The following NPAS3 variants were observed in gnomAD, a reference collection of about 807,000 sequenced individuals.
NPAS3 encodes neuronal PAS domain protein 3.
In NPAS3, 14 loss-of-function variants were observed where a neutral mutation model predicts 73.1. That is an observed-to-expected ratio of 0.19 (90% CI 0.13 to 0.30). NPAS3 has a LOEUF of 0.30. Ranked by LOEUF, NPAS3 falls within the 10% of genes least tolerant of loss-of-function variation. The pLI is 1.00. For missense variants in NPAS3, 1,096 were observed against 1,250.0 expected (o/e 0.88, Z 1.86); for synonymous variants, 620 against 541.5 (o/e 1.14, Z -2.01).
In NPAS3 at chr14:33,323,204, C is replaced by T. The variant is rs531271975; in HGVS notation, c.386-43982C>T. ...GGCCCCTCTGGGATAGCCTAATAGA[C>T]TATGAGCTGTTGTCTCCTTTGTCTA... On this transcript the variant is annotated intron_variant, in intron 3 of 11. Coordinates refer to ENST00000356141, the Ensembl canonical transcript of NPAS3. Among the ~76,000 whole-genome samples the T allele has an allele frequency of 1.4e-3, 213 of 152,352 alleles. 1 individual carries two copies. The highest frequency in any genetic ancestry group is 2.5e-3 in the Non-Finnish European group (168 of 68,034).
At chr14:33,408,197 T>C (rs2047752178) in intron 4 of NPAS3, among the ~76,000 whole-genome samples, 3 of 152,162 alleles carry the variant, frequency 2.0e-5, no homozygotes, top group South Asian at 2.1e-4. Flanking sequence ...AATCTAATTA[T>C]TAAAACTTGG....
chr14:33,236,027 TGA>T lies in NPAS3; in HGVS notation c.385+20609_385+20610del, dbSNP rs1208382032. Among the ~76,000 whole-genome samples the T allele has an allele frequency of 4.0e-5, 6 of 151,834 alleles. No individual in the cohort carries two copies. In the East Asian group the frequency reaches 1.2e-3, roughly 29 times the overall value. ...GGCTGGTCACAACATGATACAATTC[TGA>T]GAGAGAGTTAGCATCTATTTGATTC... On this transcript the variant is annotated intron_variant, in intron 3 of 11. Transcript: ENST00000356141.
At chr14:33,789,865 A>G (rs1202860196) in intron 9 of NPAS3, among the ~76,000 whole-genome samples, 1 of 152,112 alleles carries the variant, frequency 6.6e-6, no homozygotes, top group Non-Finnish European at 1.5e-5. Context: ...CTGGGATTAC[A>G]GGCGTGAGCC....
At chr14:33,005,827 C>T (rs1263313964) in intron 1 of NPAS3, among the ~76,000 whole-genome samples, 1 of 152,106 alleles carries the variant, frequency 6.6e-6, no homozygotes, top group East Asian at 1.9e-4. Context: ...TCACTTTAGA[C>T]CTTTGAACAA....
intron 4 of NPAS3, among the ~76,000 whole-genome samples, chr14:33,543,225 C>G (rs974261338): frequency 1.3e-5 from 2 of 152,162 alleles, no homozygotes; most frequent in African/African-American, 4.8e-5. Flanking sequence ...AGTCTCCCCT[C>G]TAGCCCACAC....
At chr14:33,632,683 G>C (rs2058413132) in intron 5 of NPAS3, among the ~76,000 whole-genome samples, 1 of 152,140 alleles carries the variant, frequency 6.6e-6, no homozygotes, top group Non-Finnish European at 1.5e-5. Context: ...TACCTGTACA[G>C]CTCTCTACGC....
intron 4 of NPAS3, among the ~76,000 whole-genome samples, chr14:33,383,604 C>G (rs555964432): frequency 2.4e-4 from 36 of 152,262 alleles, no homozygotes; most frequent in Non-Finnish European, 4.7e-4. Flanking sequence ...TGGTTTGGTC[C>G]TAATTATGAA....
chr14:33,385,278 C>A (rs144021718), intron 4 of NPAS3, among the ~76,000 whole-genome samples: 1 of 152,100 alleles, frequency 6.6e-6, no homozygotes. Flanking sequence ...CAGCTGTTCT[C>A]GTGCTGTGGA....
intron 6 of NPAS3, among the ~76,000 whole-genome samples, chr14:33,697,004 A>G (rs1278049892): frequency 1.3e-5 from 2 of 152,232 alleles, no homozygotes; most frequent in Non-Finnish European, 2.9e-5. Context: ...CTAATGATAC[A>G]TTCAGTGATG....
chr14:33,274,025 T>C (rs563128544), intron 3 of NPAS3, among the ~76,000 whole-genome samples: 19 of 152,276 alleles, frequency 1.2e-4, no homozygotes, highest in Middle Eastern at 3.4e-3. Flanking sequence ...ACAGCCCCCT[T>C]TCCCCAAACC....
intron 3 of NPAS3, among the ~76,000 whole-genome samples, chr14:33,237,853 T>C (rs1397222752): frequency 6.6e-6 from 1 of 151,460 alleles, no homozygotes; most frequent in Non-Finnish European, 1.5e-5. Flanking sequence ...ATATAAACTA[T>C]GCATTTTTGC....
At chr14:33,346,259 T>C (rs570709469) in intron 3 of NPAS3, among the ~76,000 whole-genome samples, 12 of 149,670 alleles carry the variant, frequency 8.0e-5, no homozygotes, top group Non-Finnish European at 1.5e-5. Flanking sequence ...GGTGGTACAG[T>C]GGCTCGTGCC....
intron 3 of NPAS3, among the ~76,000 whole-genome samples, chr14:33,258,671 C>T (rs1387767711): frequency 6.6e-6 from 1 of 152,184 alleles, no homozygotes; most frequent in Non-Finnish European, 1.5e-5. Flanking sequence ...ATCACAAGGG[C>T]ATGTTGACTT....
intron 4 of NPAS3, among the ~76,000 whole-genome samples, chr14:33,406,360 A>T (rs2047666313): frequency 6.6e-6 from 1 of 152,104 alleles, no homozygotes; most frequent in Non-Finnish European, 1.5e-5. Context: ...AAGCAGAGAG[A>T]TGCAGGGTTA....
At chr14:33,390,832 T>C (rs973864236) in intron 4 of NPAS3, among the ~76,000 whole-genome samples, 1 of 152,202 alleles carries the variant, frequency 6.6e-6, no homozygotes, top group Non-Finnish European at 1.5e-5. Context: ...GTATTTTTTA[T>C]TTTATTACCA....
chr14:33,672,464 T>C (rs2059638099), intron 5 of NPAS3, among the ~76,000 whole-genome samples: 1 of 152,194 alleles, frequency 6.6e-6, no homozygotes, highest in Non-Finnish European at 1.5e-5. Context: ...AGACTAGTCC[T>C]AGCTCTCAGC....
chr14:33,677,366 G>A (rs559104554), intron 6 of NPAS3, among the ~76,000 whole-genome samples: 2 of 152,110 alleles, frequency 1.3e-5, no homozygotes, highest in Admixed American at 6.5e-5. Context: ...AAGATTTTTT[G>A]ATGAATCAAG....
At chr14:33,698,892 T>C (rs945555071) in intron 6 of NPAS3, among the ~76,000 whole-genome samples, 2 of 152,202 alleles carry the variant, frequency 1.3e-5, no homozygotes, top group African/African-American at 2.4e-5. Flanking sequence ...GCTGAGGATG[T>C]ACATGTCCAG....
chr14:33,741,276 G>A (rs957595294), intron 7 of NPAS3, among the ~76,000 whole-genome samples: 9 of 152,132 alleles, frequency 5.9e-5, no homozygotes, highest in South Asian at 2.1e-4. Flanking sequence ...ATTCCAAGTT[G>A]TGCAAAATGT....
Sources: allele counts gnomAD v4.1 joint callset (sites outside exome capture counted in the v4.1 genomes callset), GRCh38; gene constraint gnomAD v4.1.1; transcripts MANE v1.5; gene names NCBI Gene and HGNC (gene_info 2026-07-23, HGNC 2026-07-21).